Variants in FRMD4A observed in about 807,000 individuals in gnomAD.
FRMD4A encodes FERM domain containing 4A, also known as FERM domain-containing protein 4A.
Under a neutral mutation model 129.1 loss-of-function variants are expected in FRMD4A, and 29 were observed. That is an observed-to-expected ratio of 0.22 (90% CI 0.17 to 0.31). FRMD4A has a LOEUF of 0.31. Ranked by LOEUF, FRMD4A falls within the 10% of genes least tolerant of loss-of-function variation. FRMD4A has a pLI of 1.00. For synonymous variants in FRMD4A, 634 were observed against 571.6 expected (o/e 1.11, Z -1.56); for missense variants, 1,272 against 1,375.8 (o/e 0.92, Z 1.19).
chr10:13,810,289 T>C (rs368186515), intron 4 of FRMD4A, among the ~76,000 whole-genome samples: 546 of 152,356 alleles, frequency 3.6e-3, no homozygotes, highest in African/African-American at 0.012. Context: ...CACCACTTTA[T>C]AGAGCCAAAC....
In FRMD4A at chr10:13,659,474, G is replaced by A; in HGVS notation, c.1915C>T (p.Pro639Ser). 1 of 1,613,072 alleles carries A rather than the reference G, an allele frequency of 6.2e-7. No individual in the cohort carries two copies. Among genetic ancestry groups the A allele is most frequent in the Non-Finnish European group, 8.5e-7 (1 of 1,179,564 alleles). The change falls in exon 21 of 25, where the codon CCC (proline) becomes TCC (serine). Residue 639 changes from proline (P) to serine (S), a missense_variant. Pro to Ser is a moderately conservative substitution (Grantham distance 74, BLOSUM62 -1). Transcript: ENST00000357447. Reference sequence around the variant, plus strand: ...GCTTCCGCACAGCTTCCTGTGCTGGGGAAGCGCTTGTGGCTGCTGCAAAGC... The same window carrying A: ...GCTTCCGCACAGCTTCCTGTGCTGGAGAAGCGCTTGTGGCTGCTGCAAAGC... The part of the protein sequence containing the change: ...HSHSSSHKRF[P>S]STGSCAEAGG...
chr10:14,036,264 C>A (rs1354646443), intron 2 of FRMD4A, among the ~76,000 whole-genome samples: 4 of 152,098 alleles, frequency 2.6e-5, no homozygotes, highest in African/African-American at 9.7e-5. Context: ...TGAAAGATGG[C>A]AAGACTGAGA....
chr10:14,030,358 T>C (rs565930848), intron 2 of FRMD4A, among the ~76,000 whole-genome samples: 1 of 152,396 alleles, frequency 6.6e-6, no homozygotes. Context: ...TATTTCACAA[T>C]GTATACCTGC....
At chr10:14,122,038 C>T (rs943555446) in intron 2 of FRMD4A, among the ~76,000 whole-genome samples, 1 of 152,184 alleles carries the variant, frequency 6.6e-6, no homozygotes, top group Non-Finnish European at 1.5e-5. Context: ...TTAGAAAGTG[C>T]ACCTGTAGAT....
chr10:14,115,043 C>T (rs559548368), intron 2 of FRMD4A, among the ~76,000 whole-genome samples: 1 of 152,246 alleles, frequency 6.6e-6, no homozygotes, highest in Non-Finnish European at 1.5e-5. Context: ...TACACTCACT[C>T]CCCCACCCAC....
chr10:13,881,990 G>GGGGT (rs1472980914), intron 2 of FRMD4A, among the ~76,000 whole-genome samples: 4 of 15,582 alleles, frequency 2.6e-4, no homozygotes, highest in Admixed American at 1.2e-3. Flanking sequence ...GAGAGGCAAG[G>GGGGT]GTGTGTGTGT....
chr10:13,729,751 A>C (rs1450333589), intron 12 of FRMD4A, among the ~76,000 whole-genome samples: 1 of 152,154 alleles, frequency 6.6e-6, no homozygotes, highest in Non-Finnish European at 1.5e-5. Flanking sequence ...TGTGCATCTA[A>C]GTGTACATAA....
intron 2 of FRMD4A, among the ~76,000 whole-genome samples, chr10:14,031,782 C>T (rs1485766817): frequency 1.3e-5 from 2 of 152,120 alleles, no homozygotes; most frequent in South Asian, 2.1e-4. Flanking sequence ...GCATTTTGCT[C>T]ATTAATGTCA....
chr10:14,273,660 T>C (rs1000504277), intron 2 of FRMD4A, among the ~76,000 whole-genome samples: 10 of 151,948 alleles, frequency 6.6e-5, no homozygotes. Flanking sequence ...GCCAGAGATA[T>C]GATGAGCTCT....
At chr10:13,924,152 G>T (rs750322717) in intron 2 of FRMD4A, among the ~76,000 whole-genome samples, 15 of 152,152 alleles carry the variant, frequency 9.9e-5, no homozygotes, top group Non-Finnish European at 2.1e-4. Context: ...TGCTGTCTCT[G>T]TTGCCCAATG....
chr10:14,250,843 C>T (rs747717419), intron 2 of FRMD4A, among the ~76,000 whole-genome samples: 1 of 152,150 alleles, frequency 6.6e-6, no homozygotes, highest in Non-Finnish European at 1.5e-5. Flanking sequence ...ACTTGCTGGT[C>T]TCTGGGAGTG....
intron 2 of FRMD4A, among the ~76,000 whole-genome samples, chr10:14,276,116 C>A (rs1845331020): frequency 6.6e-6 from 1 of 152,172 alleles, no homozygotes; most frequent in South Asian, 2.1e-4. Context: ...GCTTGGCATT[C>A]GTCAAATCAC....
chr10:14,194,474 G>A (rs1359871966), intron 2 of FRMD4A, among the ~76,000 whole-genome samples: 2 of 152,210 alleles, frequency 1.3e-5, no homozygotes, highest in Admixed American at 1.3e-4. Context: ...AGCCGGGCGT[G>A]GTGGCAGGCA....
intron 2 of FRMD4A, chr10:14,008,043 C>T (rs1359460339): frequency 2.3e-6 from 3 of 1,299,036 alleles, no homozygotes; most frequent in African/African-American, 1.5e-5. Flanking sequence ...AAGCAAACAA[C>T]CCGCCACGTA....
rs188118430 is a variant in FRMD4A at position 13,913,824 on chromosome 10, T to C, written c.46-54912A>G. On this transcript the variant is annotated intron_variant, in intron 2 of 24. Transcript: ENST00000357447. Reference sequence around the variant, plus strand: ...AGTCCCTGTCCCTGTACTGCTGAAGTTGGCATTCTGGTGGGGGAGTTTGAC... The same window carrying C: ...AGTCCCTGTCCCTGTACTGCTGAAGCTGGCATTCTGGTGGGGGAGTTTGAC... Among the ~76,000 whole-genome samples the C allele has an allele frequency of 2.0e-5, 3 of 152,310 alleles. No individual in the cohort carries two copies. In the East Asian group the frequency reaches 5.8e-4, roughly 29 times the overall value.
At chr10:13,905,526 T>C (rs2094872721) in intron 2 of FRMD4A, among the ~76,000 whole-genome samples, 1 of 152,178 alleles carries the variant, frequency 6.6e-6, no homozygotes, top group African/African-American at 2.4e-5. Flanking sequence ...ACAAAGGAAA[T>C]TCCCTTGGAA....
At chr10:13,859,010 G>C in intron 2 of FRMD4A, 98 bp from the exon 3 acceptor site, 1 of 774,564 alleles carries the variant, frequency 1.3e-6, no homozygotes, top group Non-Finnish European at 2.4e-6. Context: ...TATTCCTCTG[G>C]GCAAAACTTC....
intron 2 of FRMD4A, among the ~76,000 whole-genome samples, chr10:13,948,220 A>T (rs2095346578): frequency 6.6e-6 from 1 of 152,060 alleles, no homozygotes; most frequent in African/African-American, 2.4e-5. Flanking sequence ...CAGGATTCTC[A>T]CTGTTGCCCA....
At chr10:13,970,868 A>C (rs2095513683) in intron 2 of FRMD4A, among the ~76,000 whole-genome samples, 1 of 152,178 alleles carries the variant, frequency 6.6e-6, no homozygotes, top group African/African-American at 2.4e-5. Context: ...ACCCACCGCC[A>C]GTTAACTGAC....
Sources: gnomAD v4.1 joint callset for allele counts (sites outside exome capture counted in the v4.1 genomes callset) on GRCh38, gnomAD v4.1.1 for gene constraint, MANE v1.5 for transcripts, NCBI Gene and HGNC (gene_info 2026-07-23, HGNC 2026-07-21) for gene names.